The following ELFN1 variants were observed in gnomAD, a reference collection of about 807,000 sequenced individuals.
ELFN1 encodes extracellular leucine rich repeat and fibronectin type III domain containing 1.
ELFN1 carries 6 observed loss-of-function variants against 7.6 expected under a neutral mutation model. The ratio of observed to expected loss-of-function variants is 0.79; its 90% CI spans 0.43 to 1.56. The LOEUF is 1.56. Among genes scored for constraint, ELFN1 ranks in the 40% most tolerant of loss-of-function variants. The probability of loss-of-function intolerance (pLI) is 0.01; values close to 1 mark genes in which losing one functional copy is unlikely to be tolerated. For missense variants in ELFN1, 1,169 were observed against 1,232.2 expected, an observed-to-expected ratio of 0.95 and a Z score of 0.77; for synonymous variants, 657 against 588.1, an observed-to-expected ratio of 1.12 and a Z score of -1.70.
At chr7:1,715,773 C>T (rs969748318) in intron 3 of ELFN1, among the ~76,000 whole-genome samples, 4 of 152,260 alleles carry the variant, frequency 2.6e-5, no homozygotes, top group African/African-American at 4.8e-5. Flanking sequence ...TGGCCTCTCC[C>T]GCTGGGCAGG....
chr7:1,708,036 G>A (rs370656526), intron 2 of ELFN1, among the ~76,000 whole-genome samples: 3 of 151,850 alleles, frequency 2.0e-5, no homozygotes, highest in South Asian at 2.1e-4. Flanking sequence ...CCAACCTCGC[G>A]AACCCCTTTG....
At chr7:1,671,498 TG>T (rs1487933019) in intron 1 of ELFN1, among the ~76,000 whole-genome samples, 3 of 152,154 alleles carry the variant, frequency 2.0e-5, no homozygotes, top group Non-Finnish European at 4.4e-5. Context: ...GCGGAGAGCC[TG>T]GGGACAGAAG....
Position 1,688,858 on chromosome 7 carries a change from C to T in ELFN1, c.-456+708C>T, listed in dbSNP as rs569843677. Among the ~76,000 whole-genome samples, 70 of 152,262 alleles carry T rather than the reference C, an allele frequency of 4.6e-4. 1 individual carries two copies. The highest frequency in any genetic ancestry group is 1.4e-3 in the African/African-American group (57 of 41,540). ...CCATGCCCCCTTCCCTCACCCCATC[C>T]CATCTCTGACCTCTGGTCACTGCTA... On this transcript the variant is annotated intron_variant, in intron 2 of 3. Transcript: ENST00000424383.
chr7:1,703,326 CT>C (rs1165943875), intron 2 of ELFN1, among the ~76,000 whole-genome samples: 1 of 152,208 alleles, frequency 6.6e-6, no homozygotes, highest in Non-Finnish European at 1.5e-5. Flanking sequence ...CTTTCCCTCT[CT>C]GCTATACAGC....
rs142013409 is a variant in ELFN1, at chr7:1,708,262, C to T, written c.-455-829C>T. ...GCAAAATGGGGATCAGGTGCCACCT[C>T]GTGGTGAAGGAAGCAAGTACGCTGG... is the stretch of plus-strand genomic sequence containing the variant. On this transcript the variant is annotated intron_variant, in intron 2 of 3. Coordinates refer to ENST00000424383, the MANE Select transcript of ELFN1 (RefSeq NM_001128636.4). 3.9e-5 allele frequency among the ~76,000 whole-genome samples: 6 copies of T among 152,342 alleles called. No homozygotes were observed. In the East Asian group the frequency reaches 7.7e-4, roughly 20 times the overall value.
intron 3 of ELFN1, among the ~76,000 whole-genome samples, chr7:1,712,289 T>A (rs573141893): frequency 6.6e-6 from 1 of 152,106 alleles, no homozygotes; most frequent in South Asian, 2.1e-4. Flanking sequence ...GCCCAGCTAG[T>A]TTTTGTATTT....
Position 1,746,013 on chromosome 7 carries a change from C to A in ELFN1, c.1417C>A (p.Pro473Thr). 6.5e-7 allele frequency: 1 copy of A among 1,544,480 alleles called. No homozygotes were observed. Among genetic ancestry groups the A allele is most frequent in the Non-Finnish European group, 8.7e-7 (1 of 1,143,160 alleles). ...KKTIIELKYG[P>T]ELEAPGLAPL... ...GACCATCATCGAGCTCAAGTACGGG[C>A]CAGAGCTGGAGGCGCCCGGCCTGGC... The change falls in exon 4 of 4, where the codon CCA (proline) becomes ACA (threonine). Residue 473 changes from proline (P) to threonine (T), a missense_variant. Physicochemically the swap from Pro to Thr is conservative, Grantham distance 38. Coordinates refer to ENST00000424383, the MANE Select transcript of ELFN1 (RefSeq NM_001128636.4).
intron 3 of ELFN1, among the ~76,000 whole-genome samples, chr7:1,738,100 G>C (rs1472811034): frequency 2.0e-5 from 3 of 152,164 alleles, no homozygotes; most frequent in Non-Finnish European, 4.4e-5. Flanking sequence ...GGTTCTGGGA[G>C]CCCATTTCCC....
chr7:1,679,918 C>T (rs920068246), intron 1 of ELFN1, among the ~76,000 whole-genome samples: 6 of 152,226 alleles, frequency 3.9e-5, no homozygotes, highest in Non-Finnish European at 7.3e-5. Context: ...TCACCATCCT[C>T]GAGGAAAGGA....
chr7:1,671,165 A>C (rs1475713484), intron 1 of ELFN1, among the ~76,000 whole-genome samples: 1 of 120,484 alleles, frequency 8.3e-6, no homozygotes, highest in Non-Finnish European at 1.7e-5. Context: ...GCCGTACCGC[A>C]CACCGCCCCC....
chr7:1,677,615 C>T (rs1038913952), intron 1 of ELFN1, among the ~76,000 whole-genome samples: 11 of 151,896 alleles, frequency 7.2e-5, no homozygotes, highest in Admixed American at 2.0e-4. Flanking sequence ...TTAGTGTCTG[C>T]GTGAATAGAG....
At chr7:1,687,392 A>G (rs764525524) in intron 1 of ELFN1, among the ~76,000 whole-genome samples, 4 of 151,922 alleles carry the variant, frequency 2.6e-5, no homozygotes, top group Non-Finnish European at 5.9e-5. Context: ...AGCATATGCA[A>G]TTCCATGAAG....
chr7:1,680,611 T>C (rs572105816), intron 1 of ELFN1, among the ~76,000 whole-genome samples: 4 of 152,282 alleles, frequency 2.6e-5, no homozygotes, highest in Admixed American at 2.6e-4. Context: ...GTGGTTTTCA[T>C]GCATTCATAG....
chr7:1,726,102 C>G (rs990380190), intron 3 of ELFN1, among the ~76,000 whole-genome samples: 1 of 152,124 alleles, frequency 6.6e-6, no homozygotes, highest in Non-Finnish European at 1.5e-5. Flanking sequence ...CTCATACACA[C>G]GCACTATTCT....
chr7:1,693,428 A>T (rs775227567), intron 2 of ELFN1: 32 of 471,182 alleles, frequency 6.8e-5, no homozygotes, highest in Non-Finnish European at 1.3e-4. Flanking sequence ...ATATGTGTAC[A>T]CATAGGTGAC....
intron 2 of ELFN1, chr7:1,694,310 C>A (rs118137629): frequency 0.027 from 4,473 of 164,974 alleles, 100 homozygotes; most frequent in Middle Eastern, 0.041. Context: ...CTCCCTTTGC[C>A]GTTTTGCTGG....
intron 2 of ELFN1, among the ~76,000 whole-genome samples, chr7:1,707,443 T>G (rs1378674319): frequency 6.6e-6 from 1 of 152,168 alleles, no homozygotes; most frequent in African/African-American, 2.4e-5. Context: ...GCAAACGCCC[T>G]GCATCGCAGC....
rs1395150510 is a variant in ELFN1 at position 1,739,812 on chromosome 7, C to T, written c.-293-4492C>T. On this transcript the variant is annotated intron_variant, in intron 3 of 3. Coordinates refer to ENST00000424383, the MANE Select transcript of ELFN1 (RefSeq NM_001128636.4). This position sits in a 1 kb window ranked among gnomAD's most constrained non-coding sequence, Gnocchi z 4.6. ...CCTTGGTGAGAGCGGCTCAGAGGGC[C>T]CGAGGGGGGACGCCCGGTGGGGCGG... 6.6e-6 allele frequency among the ~76,000 whole-genome samples: 1 copy of T among 152,016 alleles called. No individual in the cohort carries two copies. Among genetic ancestry groups the T allele is most frequent in the Non-Finnish European group, 1.5e-5 (1 of 67,986 alleles).
intron 2 of ELFN1, among the ~76,000 whole-genome samples, chr7:1,701,134 C>T (rs1779420203): frequency 6.6e-6 from 1 of 150,562 alleles, no homozygotes; most frequent in Non-Finnish European, 1.5e-5. Flanking sequence ...CCTGTGTGTG[C>T]ATGTGTGTGT....
Sources: gnomAD v4.1 joint callset for allele counts (sites outside exome capture counted in the v4.1 genomes callset) on GRCh38, gnomAD v4.1.1 for gene constraint, Gnocchi (gnomAD v3.1) non-coding constraint, MANE v1.5 for transcripts, NCBI Gene and HGNC (gene_info 2026-07-23, HGNC 2026-07-21) for gene names.